The following JPH4 variants were observed in gnomAD, a reference collection of about 807,000 sequenced individuals.
JPH4 encodes the protein junctophilin 4.
A neutral mutation model predicts 57.6 loss-of-function variants in JPH4; 18 were observed. That is an observed-to-expected ratio of 0.31 (90% CI 0.22 to 0.46). The LOEUF (loss-of-function observed/expected upper bound fraction) is 0.46. Ranked by LOEUF, JPH4 falls within the 20% of genes least tolerant of loss-of-function variation. The pLI, the probability that JPH4 is intolerant of heterozygous loss-of-function variation, is 1.00. For missense variants in JPH4, 727 were observed against 911.1 expected (o/e 0.80, Z 2.60); for synonymous variants, 425 against 406.6 (o/e 1.05, Z -0.54).
In JPH4 at chr14:23,576,326, G is replaced by T; in HGVS notation, c.510C>A (p.Pro170=). ...AGGGCAGGGGCGGGGGTGGCGTCGGGGGGTCGCTGTGGCCGGAATCCAGGG... is the reference window on the plus strand; with the variant it reads ...AGGGCAGGGGCGGGGGTGGCGTCGGTGGGTCGCTGTGGCCGGAATCCAGGG... ...RTSLDSGHSD[P]PTPPPPLPLP... The change falls in exon 3 of 6, where the codon CCC becomes CCA. Residue 170 remains proline, a synonymous_variant. Transcript: ENST00000356300. The surrounding 1 kb of genome is among the most constrained non-coding windows in gnomAD (Gnocchi z 8.0). 7.7e-7 allele frequency: 1 copy of T among 1,295,116 alleles called. No homozygotes were observed. The allele number at this position is 1,295,116 out of a possible 1,614,324, so 80.2% of individuals were successfully genotyped here.
chr14:23,577,175 C>T lies in JPH4; in HGVS notation c.279G>A (p.Gly93=), dbSNP rs1889295839. ...YRGEWLGGLK[G]RSGVWESVSG... ...ACACGCTTTCCCACACGCCGCTGCG[C>T]CCCTTCAGCCCGCCCAGCCACTCGC... Residue 93 remains glycine, a synonymous_variant, in exon 2 of 6, where the codon GGG becomes GGA. Coordinates refer to ENST00000356300, the MANE Select transcript of JPH4 (RefSeq NM_001146028.2). This position sits in a 1 kb window ranked among gnomAD's most constrained non-coding sequence, Gnocchi z 8.4. 3 of 1,536,094 alleles carry T rather than the reference C, an allele frequency of 2.0e-6. No homozygotes were observed. Among genetic ancestry groups the T allele is most frequent in the African/African-American group, 1.4e-5 (1 of 72,768 alleles).
rs139974633 is a variant in JPH4, at chr14:23,575,278, C to A, written c.1151+407G>T. The A allele has an allele frequency of 3.1e-4, 79 of 254,816 alleles. No individual in the cohort carries two copies. Among genetic ancestry groups the A allele is most frequent in the African/African-American group, 1.7e-3 (76 of 45,108 alleles). 15.8% of individuals were successfully genotyped at this position (254,816 alleles called of 1,614,324 possible). On this transcript the variant is annotated intron_variant, in intron 3 of 5. Transcript: ENST00000356300. This position sits in a 1 kb window ranked among gnomAD's most constrained non-coding sequence, Gnocchi z 6.9. ...CCCTATTCCACCCAGGGTTGATGCTCCCAGCCTGAGGCCTGGAGGCTGGAT... is the reference window on the plus strand; with the variant it reads ...CCCTATTCCACCCAGGGTTGATGCTACCAGCCTGAGGCCTGGAGGCTGGAT...
chr14:23,576,211 G>C lies in JPH4; in HGVS notation c.625C>G (p.Arg209Gly). ...GPGDADGASSRKRTPAAGGFF... is the reference protein window; with the variant it reads ...GPGDADGASSGKRTPAAGGFF... ...CCGCCGGCCGCCGGAGTGCGCTTTC[G>C]GGACGACGCGCCGTCGGCGTCCCCG... Residue 209 changes from arginine to glycine, a missense_variant, in exon 3 of 6, where the codon CGA (arginine) becomes GGA (glycine). Arg to Gly is a moderately radical substitution (Grantham distance 125). Coordinates refer to ENST00000356300, the MANE Select transcript of JPH4 (RefSeq NM_001146028.2). This position sits in a 1 kb window ranked among gnomAD's most constrained non-coding sequence, Gnocchi z 8.0. 7.8e-7 allele frequency: 1 copy of C among 1,278,936 alleles called. No individual in the cohort carries two copies. Among genetic ancestry groups the C allele is most frequent in the Non-Finnish European group, 9.9e-7 (1 of 1,014,330 alleles). The allele number at this position is 1,278,936 out of a possible 1,614,324, so 79.2% of individuals were successfully genotyped here. A position where few individuals can be genotyped will look rare whatever the true frequency, so the allele number is the denominator to read the frequency against.
chr14:23,575,478 C>A lies in JPH4; in HGVS notation c.1151+207G>T. 1.6e-6 allele frequency: 1 copy of A among 620,886 alleles called. No individual in the cohort carries two copies. Among genetic ancestry groups the A allele is most frequent in the Non-Finnish European group, 2.8e-6 (1 of 355,528 alleles). 38.5% of individuals were successfully genotyped at this position (620,886 alleles called of 1,614,324 possible). On this transcript the variant is annotated intron_variant, in intron 3 of 5. Transcript: ENST00000356300. The surrounding 1 kb of genome is among the most constrained non-coding windows in gnomAD (Gnocchi z 6.9). Reference sequence around the variant, plus strand: ...GTCTTACACCATCTCCCTCAAATACCCAGCTATCCAGAGTTACACCCACAT... The same window carrying A: ...GTCTTACACCATCTCCCTCAAATACACAGCTATCCAGAGTTACACCCACAT...
Position 23,575,572 on chromosome 14 carries a change from A to AT in JPH4, c.1151+112dup. ...CCAACTGCCTGGCCTTAGGCTTGCA[A>AT]TAGCAGGCCCTAGGCCTTGGGCCTT... On this transcript the variant is annotated intron_variant, in intron 3 of 5. Transcript: ENST00000356300. This position sits in a 1 kb window ranked among gnomAD's most constrained non-coding sequence, Gnocchi z 6.9. 7.2e-7 allele frequency: 1 copy of AT among 1,386,934 alleles called. No homozygotes were observed. 85.9% of individuals were successfully genotyped at this position (1,386,934 alleles called of 1,614,324 possible). A position where few individuals can be genotyped will look rare whatever the true frequency, so the allele number is the denominator to read the frequency against.
Position 23,569,491 on chromosome 14 carries a change from AAAAC to A in JPH4, c.*139_*142del, listed in dbSNP as rs571578919. ...ACAGGGAAAGAAAAAGCGAGAGAAA[AAAAC>A]AAAGGAGCACAGAAAAGAAAGGAAG... On this transcript the variant is annotated 3_prime_UTR_variant, in exon 6 of 6. Transcript: ENST00000356300. The surrounding 1 kb of genome is among the most constrained non-coding windows in gnomAD (Gnocchi z 4.8). 1.7e-4 allele frequency: 118 copies of A among 678,234 alleles called. 2 individuals are homozygous for A. In the South Asian group the frequency reaches 1.8e-3, roughly 10 times the overall value. 42.0% of individuals were successfully genotyped at this position (678,234 alleles called of 1,614,324 possible).
intron 1 of JPH4, 126 bp downstream of exon 1, chr14:23,578,054 G>A (rs1889319918): frequency 7.3e-6 from 1 of 137,222 alleles, no homozygotes; most frequent in Admixed American, 7.3e-5. Context: ...ACCAAGGTAG[G>A]CAGACGGTTT....
rs1333455337 is a variant in JPH4 at position 23,568,863 on chromosome 14, G to C, written c.*771C>G. 3 of 910,740 alleles carry C rather than the reference G, an allele frequency of 3.3e-6. No homozygotes were observed. The highest frequency in any genetic ancestry group is 3.9e-6 in the Non-Finnish European group (3 of 761,570). The allele number at this position is 910,740 out of a possible 1,614,324, so 56.4% of individuals were successfully genotyped here. On this transcript the variant is annotated 3_prime_UTR_variant, in exon 6 of 6. Transcript: ENST00000356300. ...GGCAAAGTCTGGGCAGGGTGGACTTGACTGCATTGGATATTCTCTGTTCCT... is the reference window on the plus strand; with the variant it reads ...GGCAAAGTCTGGGCAGGGTGGACTTCACTGCATTGGATATTCTCTGTTCCT...
chr14:23,574,190 T>C (rs1045534600), intron 3 of JPH4, among the ~76,000 whole-genome samples: 2 of 152,018 alleles, frequency 1.3e-5, no homozygotes, highest in African/African-American at 4.8e-5. Context: ...TTTTTTTTTT[T>C]TTAGACTGGC....
Position 23,573,458 on chromosome 14 carries a change from G to A in JPH4, c.1152-1538C>T, listed in dbSNP as rs1256357846. The stretch of plus-strand genomic sequence containing the variant: ...CAAGGGCACCTGTTGAGCCGTGAGC[G>A]TGAGGATCATGGTCTTGGGTTGTAT... On this transcript the variant is annotated intron_variant, in intron 3 of 5. Transcript: ENST00000356300. 5.9e-5 allele frequency among the ~76,000 whole-genome samples: 9 copies of A among 152,230 alleles called. 1 individual carries two copies. In the East Asian group the frequency reaches 7.7e-4, roughly 13 times the overall value.
At chr14:23,572,904 C>G (rs1027289721) in intron 3 of JPH4, 12 of 702,528 alleles carry the variant, frequency 1.7e-5, no homozygotes, top group Middle Eastern at 2.3e-4. Context: ...TCTCAGTTCT[C>G]CCTGTGATGT....
intron 5 of JPH4, among the ~76,000 whole-genome samples, chr14:23,570,192 G>A (rs1889075218): frequency 6.8e-6 from 1 of 146,800 alleles, no homozygotes; most frequent in Admixed American, 6.8e-5. Context: ...GAGAGTCAGG[G>A]TAGGGAGGGA....
rs776207971 is a variant in JPH4 at position 23,576,493 on chromosome 14, C to A, written c.380-37G>T. On this transcript the variant is annotated intron_variant, in intron 2 of 5. Coordinates refer to ENST00000356300, the MANE Select transcript of JPH4 (RefSeq NM_001146028.2). This position sits in a 1 kb window ranked among gnomAD's most constrained non-coding sequence, Gnocchi z 8.0. Reference sequence around the variant, plus strand: ...GGAGGGGTGGGAGAAAGAGTCAGGACGTGCCGCTGGGCTCCTTGCGCCCCA... The same window carrying A: ...GGAGGGGTGGGAGAAAGAGTCAGGAAGTGCCGCTGGGCTCCTTGCGCCCCA... The A allele has an allele frequency of 1.2e-5, 16 of 1,369,436 alleles. No homozygotes were observed. The highest frequency in any genetic ancestry group is 1.5e-5 in the Non-Finnish European group (16 of 1,067,540). The allele number at this position is 1,369,436 out of a possible 1,614,324, so 84.8% of individuals were successfully genotyped here.
intron 3 of JPH4, among the ~76,000 whole-genome samples, chr14:23,573,896 A>T (rs1261578489): frequency 6.6e-6 from 1 of 150,560 alleles, no homozygotes; most frequent in Non-Finnish European, 1.5e-5. Flanking sequence ...TCAAACGTCT[A>T]CTCTGCATTT....
Position 23,569,492 on chromosome 14 carries a change from A to T in JPH4, c.*142T>A, listed in dbSNP as rs912014005. On this transcript the variant is annotated 3_prime_UTR_variant, in exon 6 of 6. Transcript: ENST00000356300. This position sits in a 1 kb window ranked among gnomAD's most constrained non-coding sequence, Gnocchi z 4.8. ...CAGGGAAAGAAAAAGCGAGAGAAAA[A>T]AACAAAGGAGCACAGAAAAGAAAGG... 1.5e-6 allele frequency: 1 copy of T among 682,800 alleles called. No homozygotes were observed. Among genetic ancestry groups the T allele is most frequent in the Non-Finnish European group, 2.6e-6 (1 of 380,678 alleles). 42.3% of individuals were successfully genotyped at this position (682,800 alleles called of 1,614,324 possible).
Position 23,569,838 on chromosome 14 carries a change from GA to G in JPH4, c.1804-122del. On this transcript the variant is annotated intron_variant, in intron 5 of 5. Coordinates refer to ENST00000356300, the MANE Select transcript of JPH4 (RefSeq NM_001146028.2). This position sits in a 1 kb window ranked among gnomAD's most constrained non-coding sequence, Gnocchi z 4.8. ...CTCCCTGCACAGCCTGGAGCAGGGG[GA>G]TCGCCAACATTTGTTTTGGATTGCA... is the stretch of plus-strand genomic sequence containing the variant. 4.7e-6 allele frequency: 3 copies of G among 636,968 alleles called. No individual in the cohort carries two copies. The South Asian group carries it at 5.9e-5, about 13-fold the overall frequency. The allele number at this position is 636,968 out of a possible 1,614,324, so 39.5% of individuals were successfully genotyped here. A position where few individuals can be genotyped will look rare whatever the true frequency, so the allele number is the denominator to read the frequency against.
In JPH4 at chr14:23,577,520, G is replaced by C; in HGVS notation, c.-67C>G. 1.5e-6 allele frequency: 2 copies of C among 1,324,230 alleles called. No homozygotes were observed. Among genetic ancestry groups the C allele is most frequent in the Non-Finnish European group, 1.9e-6 (2 of 1,031,748 alleles). The allele number at this position is 1,324,230 out of a possible 1,614,324, so 82.0% of individuals were successfully genotyped here. A position where few individuals can be genotyped will look rare whatever the true frequency, so the allele number is the denominator to read the frequency against. On this transcript the variant is annotated 5_prime_UTR_variant, in exon 2 of 6. Coordinates refer to ENST00000356300, the MANE Select transcript of JPH4 (RefSeq NM_001146028.2). This position sits in a 1 kb window ranked among gnomAD's most constrained non-coding sequence, Gnocchi z 8.4. ...CATCCTGGGACTGGAGAGCCTGCTG[G>C]GGGCCTTGGAGCCGGGCGAGGCCTC...
Position 23,569,594 on chromosome 14 carries a change from A to G in JPH4, c.*40T>C. On this transcript the variant is annotated 3_prime_UTR_variant, in exon 6 of 6. Transcript: ENST00000356300. The surrounding 1 kb of genome is among the most constrained non-coding windows in gnomAD (Gnocchi z 4.8). ...AAAAAGGCAGGTCAAAGGGGTGAAGAGGCACGCAACCAAAGCCAGAACCAG... is the reference window on the plus strand; with the variant it reads ...AAAAAGGCAGGTCAAAGGGGTGAAGGGGCACGCAACCAAAGCCAGAACCAG... 7.1e-7 allele frequency: 1 copy of G among 1,400,124 alleles called. No homozygotes were observed. Among genetic ancestry groups the G allele is most frequent in the Non-Finnish European group, 9.9e-7 (1 of 1,008,596 alleles). 86.7% of individuals were successfully genotyped at this position (1,400,124 alleles called of 1,614,324 possible).
chr14:23,572,900 T>C (rs1889187192), intron 3 of JPH4: 1 of 702,532 alleles, frequency 1.4e-6, no homozygotes, highest in Non-Finnish European at 2.6e-6. Context: ...TGCTTCTCAG[T>C]TCTCCCTGTG....
Sources: gnomAD v4.1 joint callset for allele counts (sites outside exome capture counted in the v4.1 genomes callset) on GRCh38, gnomAD v4.1.1 for gene constraint, Gnocchi (gnomAD v3.1) non-coding constraint, MANE v1.5 for transcripts, NCBI Gene and HGNC (gene_info 2026-07-23, HGNC 2026-07-21) for gene names.